BTBD8: variants seen among roughly 807,000 people sequenced by gnomAD.
BTBD8 encodes BTB domain containing 8.
Under a neutral mutation model 162.9 loss-of-function variants are expected in BTBD8, and 110 were observed. The observed-to-expected ratio is 0.68, with a 90% CI of 0.58 to 0.79. BTBD8 has a LOEUF of 0.79. Among genes scored for constraint, BTBD8 ranks in the 30% least tolerant of loss-of-function variants. BTBD8 has a pLI of 0.00. For missense variants in BTBD8, 1,905 were observed against 2,085.4 expected (o/e 0.91, Z 1.68); for synonymous variants, 667 against 716.1 (o/e 0.93, Z 1.10).
At chr1:92,152,376 A>G (rs1482569823) in intron 9 of BTBD8, among the ~76,000 whole-genome samples, 1 of 152,216 alleles carries the variant, frequency 6.6e-6, no homozygotes, top group Non-Finnish European at 1.5e-5. Flanking sequence ...TCAAATAGGT[A>G]GGTAAGTGAA....
intron 9 of BTBD8, among the ~76,000 whole-genome samples, chr1:92,152,399 G>A (rs1650066067): frequency 6.6e-6 from 1 of 152,098 alleles, no homozygotes; most frequent in African/African-American, 2.4e-5. Flanking sequence ...GTATAACTTA[G>A]AATTCAGGTG....
intron 4 of BTBD8, among the ~76,000 whole-genome samples, chr1:92,123,776 CAAAAAA>C (rs529220915): frequency 3.6e-5 from 3 of 84,494 alleles, no homozygotes; most frequent in Admixed American, 1.6e-4. Context: ...GACTCCGTCT[CAAAAAA>C]AAAAAAAAAA....
chr1:92,122,045 A>G (rs895596793), intron 4 of BTBD8, among the ~76,000 whole-genome samples: 1 of 152,102 alleles, frequency 6.6e-6, no homozygotes, highest in Admixed American at 6.6e-5. Flanking sequence ...TACCTTTCCT[A>G]GAATTTCATG....
intron 9 of BTBD8, among the ~76,000 whole-genome samples, chr1:92,161,512 TAGAG>T (rs376141344): frequency 6.6e-6 from 1 of 152,230 alleles, no homozygotes; most frequent in Non-Finnish European, 1.5e-5. Flanking sequence ...TTTCCTAATA[TAGAG>T]AGTTTCTACA....
rs1651001019 is a variant in BTBD8 at position 92,183,921 on chromosome 1, CA to C, written c.4975del (p.Thr1659ProfsTer10). 6.4e-7 allele frequency: 1 copy of C among 1,551,364 alleles called. No homozygotes were observed. The highest frequency in any genetic ancestry group is 2.0e-5 in the Admixed American group (1 of 50,958). On this transcript the variant is annotated frameshift_variant, in exon 18 of 18. Transcript: ENST00000636805. LOFTEE classifies it high-confidence loss of function. ...AQTRMYDHRP[S>X]KTLSPIYEMD... ...ACCCGCATGTATGACCATCGGCCTTCAAAAACCCTGTCTCCAATATATGAGA... is the reference window on the plus strand; with the variant it reads ...ACCCGCATGTATGACCATCGGCCTTCAAAACCCTGTCTCCAATATATGAGA...
intron 3 of BTBD8, among the ~76,000 whole-genome samples, chr1:92,105,219 A>G (rs1163521396): frequency 6.6e-6 from 1 of 152,106 alleles, no homozygotes; most frequent in Non-Finnish European, 1.5e-5. Flanking sequence ...GGCGTGAGCC[A>G]CTGTGCCCGG....
At chr1:92,153,216 G>A (rs1650088683) in intron 9 of BTBD8, among the ~76,000 whole-genome samples, 2 of 151,986 alleles carry the variant, frequency 1.3e-5, no homozygotes, top group South Asian at 4.1e-4. Flanking sequence ...AATTTCTTGT[G>A]TGTTTGCATA....
At position 92,086,569 on chromosome 1, in the gene BTBD8, T is replaced by A. The variant is rs180881149; in HGVS notation, c.150-2129T>A. On this transcript the variant is annotated intron_variant, in intron 1 of 17. Transcript: ENST00000636805. ...TCCCTTGAGCTTGGGAGGTGGTGGT[T>A]GCAGTGAGCTGAGATGGTACCATTG... is the stretch of plus-strand genomic sequence containing the variant. Among the ~76,000 whole-genome samples the A allele has an allele frequency of 2.0e-5, 3 of 151,848 alleles. No homozygotes were observed. In the East Asian group the frequency reaches 5.8e-4, roughly 29 times the overall value.
At chr1:92,120,181 C>T (rs1197243747) in intron 4 of BTBD8, among the ~76,000 whole-genome samples, 3 of 151,974 alleles carry the variant, frequency 2.0e-5, no homozygotes, top group African/African-American at 4.8e-5. Context: ...TGTGAGCCAC[C>T]GCGCCTGGCC....
chr1:92,167,121 A>G lies in BTBD8; in HGVS notation c.1286A>G (p.Asn429Ser), dbSNP rs760136671. ...DNFSKIIQSE[N>S]FALLLQSQAM... ...TTCTCCAAGATTATTCAGAGTGAAA[A>G]TTTTGCTCTTCTTTTACAGGTACTA... The change falls in exon 10 of 18, where the codon AAT (asparagine) becomes AGT (serine). Residue 429 changes from asparagine (N) to serine (S), a missense_variant. Asn to Ser is a conservative substitution (Grantham distance 46). Transcript: ENST00000636805. The G allele has an allele frequency of 1.8e-5, 28 of 1,550,446 alleles. No homozygotes were observed. Among genetic ancestry groups the G allele is most frequent in the Non-Finnish European group, 2.4e-5 (28 of 1,146,946 alleles).
chr1:92,143,169 G>A (rs1474616646), intron 7 of BTBD8, among the ~76,000 whole-genome samples: 2 of 152,154 alleles, frequency 1.3e-5, no homozygotes, highest in Non-Finnish European at 2.9e-5. Context: ...GTGGTTGAAA[G>A]CATTCGTTGG....
At chr1:92,164,354 A>G (rs1479171000) in intron 9 of BTBD8, among the ~76,000 whole-genome samples, 3 of 152,072 alleles carry the variant, frequency 2.0e-5, no homozygotes, top group Non-Finnish European at 2.9e-5. Flanking sequence ...GTGGTAGCTC[A>G]CACCTGTAAT....
chr1:92,146,164 A>T (rs1017328494), intron 7 of BTBD8, among the ~76,000 whole-genome samples: 4 of 152,156 alleles, frequency 2.6e-5, no homozygotes, highest in African/African-American at 9.6e-5. Context: ...TTTAAAAAAG[A>T]TATTTAACCT....
chr1:92,098,317 CAGTCATCAGATG>C (rs1204669137), intron 2 of BTBD8, among the ~76,000 whole-genome samples: 5 of 152,144 alleles, frequency 3.3e-5, no homozygotes. Context: ...TTTGTTTACC[CAGTCATCAGATG>C]ATAGGCTTTT....
chr1:92,179,400 C>T (rs1557467927), intron 16 of BTBD8, among the ~76,000 whole-genome samples: 2 of 151,970 alleles, frequency 1.3e-5, no homozygotes, highest in Non-Finnish European at 2.9e-5. Context: ...GCATAATTTG[C>T]TAAAATAATA....
chr1:92,125,812 C>T, intron 4 of BTBD8: 1 of 403,960 alleles, frequency 2.5e-6, no homozygotes, highest in African/African-American at 2.1e-5. Context: ...TGGAGAGAGA[C>T]AGTGATTCTG....
intron 9 of BTBD8, among the ~76,000 whole-genome samples, chr1:92,165,445 T>C (rs1650363491): frequency 6.6e-6 from 1 of 151,728 alleles, no homozygotes; most frequent in African/African-American, 2.4e-5. Context: ...TCTTATAGTG[T>C]GTATAAAAGA....
chr1:92,171,371 A>C (rs975943294), intron 12 of BTBD8, 28 bp from the exon 13 acceptor site: 15 of 1,521,016 alleles, frequency 9.9e-6, no homozygotes, highest in Non-Finnish European at 1.3e-5. Flanking sequence ...TGTTCCTTAT[A>C]AAAACAAATT....
Position 92,167,835 on chromosome 1 carries a change from CTG to C in BTBD8, c.1306-9_1306-8del, listed in dbSNP as rs1650423209. On this transcript the variant is annotated splice_polypyrimidine_tract_variant and intron_variant, in intron 10 of 17. Transcript: ENST00000636805. ...ATGTATTCCTCTTAAATATTAATTT[CTG>C]TGTTTTATAGTCACAAGCAATGAGC... 7.8e-6 allele frequency: 12 copies of C among 1,542,204 alleles called. No individual in the cohort carries two copies. The highest frequency in any genetic ancestry group is 1.1e-5 in the Non-Finnish European group (12 of 1,141,014).
Sources: gnomAD v4.1 joint callset for allele counts (sites outside exome capture counted in the v4.1 genomes callset) on GRCh38, gnomAD v4.1.1 for gene constraint, MANE v1.5 for transcripts, NCBI Gene and HGNC (gene_info 2026-07-23, HGNC 2026-07-21) for gene names.